CEP112: variants seen among roughly 807,000 people sequenced by gnomAD.
CEP112 encodes the protein centrosomal protein 112, also known as centrosomal protein of 112 kDa.
A neutral mutation model predicts 153.0 loss-of-function variants in CEP112; 127 were observed. That is an observed-to-expected ratio of 0.83 (90% CI 0.72 to 0.96). The LOEUF (loss-of-function observed/expected upper bound fraction) is 0.96, where lower values mean the gene tolerates loss of function less well. CEP112 is among the 40% of genes least tolerant of loss of function. CEP112 has a pLI of 0.00. For missense variants in CEP112, 1,089 were observed against 1,101.2 expected, an observed-to-expected ratio of 0.99 and a Z score of 0.16; for synonymous variants, 358 against 374.4, an observed-to-expected ratio of 0.96 and a Z score of 0.51.
At chr17:65,837,135 C>T (rs1312140038) in intron 21 of CEP112, among the ~76,000 whole-genome samples, 10 of 152,276 alleles carry the variant, frequency 6.6e-5, no homozygotes, top group African/African-American at 2.4e-4. Context: ...AGTGCAGTGG[C>T]GTGATCTCGG....
chr17:65,675,104 T>C (rs1370175571), intron 24 of CEP112, among the ~76,000 whole-genome samples: 1 of 152,164 alleles, frequency 6.6e-6, no homozygotes, highest in Admixed American at 6.5e-5. Context: ...AGCTAGAGAC[T>C]GGGTAAAAAT....
chr17:65,980,044 A>C (rs888743341), intron 17 of CEP112, among the ~76,000 whole-genome samples: 2 of 152,166 alleles, frequency 1.3e-5, no homozygotes, highest in African/African-American at 2.4e-5. Flanking sequence ...AAAAAAGAAA[A>C]AGCCAAATCA....
At chr17:66,104,844 T>C (rs926437856) in intron 6 of CEP112, among the ~76,000 whole-genome samples, 3 of 152,150 alleles carry the variant, frequency 2.0e-5, no homozygotes, top group African/African-American at 7.2e-5. Flanking sequence ...CTTGAGGGAT[T>C]TGATCAACAC....
intron 20 of CEP112, among the ~76,000 whole-genome samples, chr17:65,898,021 C>T (rs532870063): frequency 1.6e-4 from 24 of 151,968 alleles, no homozygotes; most frequent in African/African-American, 4.1e-4. Context: ...CTAAAATTTC[C>T]GCTTAACTGT....
chr17:66,142,964 C>T (rs2070772858), intron 4 of CEP112, among the ~76,000 whole-genome samples: 1 of 152,108 alleles, frequency 6.6e-6, no homozygotes, highest in African/African-American at 2.4e-5. Flanking sequence ...TTAATTCTTC[C>T]AATCCATGAG....
chr17:65,862,520 G>A (rs1033480930), intron 20 of CEP112, among the ~76,000 whole-genome samples: 7 of 152,184 alleles, frequency 4.6e-5, no homozygotes, highest in Non-Finnish European at 7.4e-5. Flanking sequence ...CCCAGGAGGC[G>A]GAGCTTGCAG....
intron 22 of CEP112, among the ~76,000 whole-genome samples, chr17:65,748,715 A>C (rs930356883): frequency 3.9e-5 from 6 of 152,316 alleles, no homozygotes; most frequent in Non-Finnish European, 7.3e-5. Context: ...AGGGCGGGTA[A>C]CTTGCTCAAG....
chr17:65,873,165 T>G (rs550809681), intron 20 of CEP112: 1 of 152,312 alleles, frequency 6.6e-6, no homozygotes, highest in South Asian at 2.1e-4. Flanking sequence ...AAATGAATCT[T>G]GCCTCCAAGA....
intron 17 of CEP112, among the ~76,000 whole-genome samples, chr17:65,992,851 C>T (rs915812244): frequency 2.6e-5 from 4 of 152,152 alleles, no homozygotes; most frequent in Non-Finnish European, 4.4e-5. Context: ...CCTAGCTCTC[C>T]CTGTCTACCA....
intron 21 of CEP112, among the ~76,000 whole-genome samples, chr17:65,792,858 A>G (rs1362570321): frequency 6.6e-6 from 1 of 152,220 alleles, no homozygotes; most frequent in African/African-American, 2.4e-5. Context: ...AAAATATTTC[A>G]TGGAGGAAAT....
intron 23 of CEP112, among the ~76,000 whole-genome samples, chr17:65,735,633 T>C (rs913649586): frequency 6.6e-6 from 1 of 152,226 alleles, no homozygotes. Context: ...TATATTTTAT[T>C]GCTTTTTATT....
At chr17:65,985,448 T>G (rs1450230209) in intron 17 of CEP112, among the ~76,000 whole-genome samples, 2 of 152,144 alleles carry the variant, frequency 1.3e-5, no homozygotes, top group Non-Finnish European at 2.9e-5. Flanking sequence ...ATCTAACTAG[T>G]GGTGGATGAC....
At chr17:66,016,276 A>G (rs1474379176) in intron 16 of CEP112, among the ~76,000 whole-genome samples, 1 of 152,122 alleles carries the variant, frequency 6.6e-6, no homozygotes, top group Non-Finnish European at 1.5e-5. Context: ...CACAGACTCC[A>G]TTTTGGTTCT....
chr17:65,759,957 T>C (rs2052513085), intron 21 of CEP112, among the ~76,000 whole-genome samples: 1 of 152,296 alleles, frequency 6.6e-6, no homozygotes, highest in Non-Finnish European at 1.5e-5. Flanking sequence ...AATCATGAAG[T>C]TGAACCTTTG....
chr17:65,652,391 C>T (rs753468350), intron 24 of CEP112, among the ~76,000 whole-genome samples: 1 of 152,002 alleles, frequency 6.6e-6, no homozygotes, highest in Non-Finnish European at 1.5e-5. Context: ...GATGATTTAA[C>T]ACCTGCAAAA....
intron 24 of CEP112, among the ~76,000 whole-genome samples, chr17:65,654,523 A>G (rs868343226): frequency 2.1e-4 from 32 of 152,338 alleles, no homozygotes; most frequent in Non-Finnish European, 3.2e-4. Flanking sequence ...CTGGTGCAGG[A>G]AGCAGTTGCC....
At position 66,132,766 on chromosome 17, in the gene CEP112, A is replaced by G. The variant is rs375596245; in HGVS notation, c.471-3T>C. 2.9e-5 allele frequency: 46 copies of G among 1,593,874 alleles called. No individual in the cohort carries two copies. The highest frequency in any genetic ancestry group is 4.0e-5 in the Non-Finnish European group (46 of 1,161,648). On this transcript the variant is annotated splice_region_variant and splice_polypyrimidine_tract_variant and intron_variant, in intron 4 of 26. Coordinates refer to ENST00000535342, the MANE Select transcript of CEP112 (RefSeq NM_001199165.4). ...GCTTCCCAGTGTACTGTTCCCTGCT[A>G]AGAGACCAAAATAATCGCAATCACA...
intron 19 of CEP112, among the ~76,000 whole-genome samples, chr17:65,923,786 A>T (rs1353816455): frequency 1.3e-5 from 2 of 152,152 alleles, no homozygotes; most frequent in Non-Finnish European, 2.9e-5. Context: ...TTTTCACTGA[A>T]TTTACATATC....
At chr17:65,981,488 A>G (rs1224897162) in intron 17 of CEP112, among the ~76,000 whole-genome samples, 2 of 152,218 alleles carry the variant, frequency 1.3e-5, no homozygotes, top group African/African-American at 4.8e-5. Context: ...TTTAACACAC[A>G]GGCTTAAGTC....
Sources: allele counts gnomAD v4.1 joint callset (sites outside exome capture counted in the v4.1 genomes callset), GRCh38; gene constraint gnomAD v4.1.1; transcripts MANE v1.5; gene names NCBI Gene and HGNC (gene_info 2026-07-23, HGNC 2026-07-21).